The following FAF1 variants were observed in gnomAD, a reference collection of about 807,000 sequenced individuals.
The protein encoded by FAF1 is Fas associated factor 1.
A neutral mutation model predicts 92.5 loss-of-function variants in FAF1; 25 were observed. The ratio of observed to expected loss-of-function variants is 0.27; its 90% CI spans 0.20 to 0.38. The LOEUF is 0.38. Among genes scored for constraint, FAF1 ranks in the 10% least tolerant of loss-of-function variants. The pLI is 1.00. For synonymous variants in FAF1, 234 were observed against 273.2 expected (o/e 0.86, Z 1.42); for missense variants, 636 against 793.3 (o/e 0.80, Z 2.38).
At chr1:50,840,123 T>C (rs1001741059) in intron 2 of FAF1, among the ~76,000 whole-genome samples, 3 of 151,984 alleles carry the variant, frequency 2.0e-5, no homozygotes, top group African/African-American at 4.8e-5. Flanking sequence ...ATGTATCATA[T>C]ACCTTAACAT....
At chr1:50,562,169 A>C (rs562500912) in intron 13 of FAF1, among the ~76,000 whole-genome samples, 1 of 152,216 alleles carries the variant, frequency 6.6e-6, no homozygotes, top group African/African-American at 2.4e-5. Flanking sequence ...ACATTGTACT[A>C]ACAATATTTT....
At position 50,596,047 on chromosome 1, in the gene FAF1, A is replaced by T. The variant is rs74080024; in HGVS notation, c.840+74T>A. ...TTATCTGTTCATTGCTCTGGCAGAT[A>T]AAAAAAAAGGGAAGTGCGCAGGTAG... On this transcript the variant is annotated intron_variant, in intron 9 of 18. Transcript: ENST00000396153. The T allele has an allele frequency of 7.0e-3, 5,596 of 796,326 alleles. 156 individuals are homozygous for T. In the African/African-American group the frequency reaches 0.076, roughly 11 times the overall value. 49.3% of individuals were successfully genotyped at this position (796,326 alleles called of 1,614,324 possible).
At chr1:50,487,213 A>C (rs776078350) in intron 17 of FAF1, among the ~76,000 whole-genome samples, 8 of 152,208 alleles carry the variant, frequency 5.3e-5, no homozygotes, top group Admixed American at 1.3e-4. Flanking sequence ...ATGTGGAAAA[A>C]TTCTGAGAAA....
chr1:50,897,150 ATAAAT>A (rs1306067537), intron 1 of FAF1, among the ~76,000 whole-genome samples: 2 of 152,350 alleles, frequency 1.3e-5, no homozygotes, highest in East Asian at 1.9e-4. Flanking sequence ...GTCTAATGAA[ATAAAT>A]TAAAGAATAT....
intron 2 of FAF1, among the ~76,000 whole-genome samples, chr1:50,805,786 A>T (rs1662171155): frequency 6.6e-6 from 1 of 152,242 alleles, no homozygotes; most frequent in Non-Finnish European, 1.5e-5. Context: ...ATGTAGAGAC[A>T]GCATCCAAAA....
At chr1:50,948,448 C>G (rs776797368) in intron 1 of FAF1, among the ~76,000 whole-genome samples, 1 of 152,096 alleles carries the variant, frequency 6.6e-6, no homozygotes, top group Non-Finnish European at 1.5e-5. Flanking sequence ...CACAGTCAAC[C>G]CAGACTATCA....
intron 7 of FAF1, among the ~76,000 whole-genome samples, chr1:50,702,102 G>A (rs1397306551): frequency 6.6e-6 from 1 of 152,028 alleles, no homozygotes; most frequent in African/African-American, 2.4e-5. Context: ...CCTAACAGAA[G>A]CTTCTGCAGT....
chr1:50,532,046 G>T (rs1283648609), intron 15 of FAF1, among the ~76,000 whole-genome samples: 1 of 152,086 alleles, frequency 6.6e-6, no homozygotes, highest in African/African-American at 2.4e-5. Context: ...AGTGTTTCTT[G>T]TCACATATTC....
At chr1:50,868,176 G>A (rs1377604205) in intron 1 of FAF1, among the ~76,000 whole-genome samples, 2 of 152,124 alleles carry the variant, frequency 1.3e-5, no homozygotes, top group Non-Finnish European at 2.9e-5. Flanking sequence ...GGGACTTGAG[G>A]GGAAGGGTGG....
rs1017500262 is a variant in FAF1 at position 50,856,432 on chromosome 1, A to G, written c.114+1497T>C. The stretch of plus-strand genomic sequence containing the variant: ...CATGGCAATCATGGAGCTGTCACCT[A>G]TATCATGCTTTGTTGGAGTATAGCA... On this transcript the variant is annotated intron_variant, in intron 2 of 18. Coordinates refer to ENST00000396153, the MANE Select transcript of FAF1 (RefSeq NM_007051.3). Among the ~76,000 whole-genome samples, 9 of 151,794 alleles carry G rather than the reference A, an allele frequency of 5.9e-5. No individual in the cohort carries two copies. The East Asian group carries it at 1.7e-3, about 29-fold the overall frequency.
At chr1:50,491,507 T>A (rs1483838425) in intron 16 of FAF1, among the ~76,000 whole-genome samples, 2 of 152,230 alleles carry the variant, frequency 1.3e-5, no homozygotes, top group African/African-American at 4.8e-5. Context: ...AGATACTAGG[T>A]TCATCTTTGT....
intron 17 of FAF1, among the ~76,000 whole-genome samples, chr1:50,481,875 A>G (rs1487798678): frequency 1.3e-5 from 2 of 152,176 alleles, no homozygotes; most frequent in Admixed American, 6.5e-5. Flanking sequence ...CAAGGCAGCC[A>G]ATGTGGCGGG....
intron 1 of FAF1, among the ~76,000 whole-genome samples, chr1:50,931,749 C>T (rs1472897660): frequency 1.2e-4 from 18 of 151,906 alleles, no homozygotes; most frequent in Middle Eastern, 3.4e-3. Context: ...TAGAGGCAGG[C>T]GCCTGTAGTC....
chr1:50,856,977 A>G (rs997406346), intron 2 of FAF1, among the ~76,000 whole-genome samples: 15 of 151,864 alleles, frequency 9.9e-5, no homozygotes, highest in African/African-American at 3.6e-4. Context: ...TCACATAATT[A>G]TAGAAGATAA....
At chr1:50,748,497 AAAAAAAAAAGAAAAG>A (rs1242529247) in intron 4 of FAF1, among the ~76,000 whole-genome samples, 3 of 151,950 alleles carry the variant, frequency 2.0e-5, no homozygotes, top group African/African-American at 7.2e-5. Context: ...GTCTCAAAAA[AAAAAAAAAAGAAAAG>A]AAAAAAAGAA....
At chr1:50,466,168 G>A (rs1646492698) in intron 18 of FAF1, among the ~76,000 whole-genome samples, 1 of 152,184 alleles carries the variant, frequency 6.6e-6, no homozygotes, top group Admixed American at 6.6e-5. Context: ...GGGTTCAGTT[G>A]TAGAGGTAGT....
At chr1:50,466,783 T>C (rs992369700) in intron 18 of FAF1, among the ~76,000 whole-genome samples, 1 of 152,168 alleles carries the variant, frequency 6.6e-6, no homozygotes, top group Non-Finnish European at 1.5e-5. Context: ...CCCTTCAGCC[T>C]TTTCTCAGGA....
intron 8 of FAF1, among the ~76,000 whole-genome samples, chr1:50,647,389 C>T (rs370098443): frequency 2.0e-5 from 3 of 152,162 alleles, no homozygotes; most frequent in African/African-American, 7.2e-5. Context: ...TCTTTCTGTA[C>T]GTCACTTTCC....
intron 17 of FAF1, among the ~76,000 whole-genome samples, chr1:50,483,093 T>C (rs2149003502): frequency 6.6e-6 from 1 of 152,334 alleles, no homozygotes; most frequent in Admixed American, 6.5e-5. Context: ...CGTTTTCTTC[T>C]GGGACTTGAA....
Sources: gnomAD v4.1 joint callset for allele counts (sites outside exome capture counted in the v4.1 genomes callset) on GRCh38, gnomAD v4.1.1 for gene constraint, MANE v1.5 for transcripts, NCBI Gene and HGNC (gene_info 2026-07-23, HGNC 2026-07-21) for gene names.